The following SMIM17 variants were observed in gnomAD, a reference collection of about 807,000 sequenced individuals.
The protein encoded by SMIM17 is small integral membrane protein 17.
In SMIM17, 10 loss-of-function variants were observed where a neutral mutation model predicts 12.2. That is an observed-to-expected ratio of 0.82 (90% CI 0.50 to 1.39). The LOEUF is 1.39. SMIM17 is among the 40% of genes most tolerant of loss of function. SMIM17 has a pLI of 0.00. For missense variants in SMIM17, 136 were observed against 118.2 expected (o/e 1.15, Z -0.70); for synonymous variants, 50 against 44.1 (o/e 1.13, Z -0.53).
At chr19:56,650,733 A>G (rs10403522) in intron 3 of SMIM17, among the ~76,000 whole-genome samples, 88,430 of 152,044 alleles carry the variant, frequency 0.58, 25,959 homozygotes, top group East Asian at 0.73. Context: ...AGACCTGTGG[A>G]ACGTAAAAGG....
rs182620460 is a variant in SMIM17 at position 56,656,346 on chromosome 19, T to G, written c.*1133T>G. Among the ~76,000 whole-genome samples, 12 of 152,276 alleles carry G rather than the reference T, an allele frequency of 7.9e-5. No homozygotes were observed. The highest frequency in any genetic ancestry group is 3.4e-3 in the Middle Eastern group (1 of 294). On this transcript the variant is annotated 3_prime_UTR_variant, in exon 4 of 4. Transcript: ENST00000598409. ...TTTATAATTAAAAATTTCTCTTTATTTTGTTCTATCCCCTGTTTCCTGTAA... is the reference window on the plus strand; with the variant it reads ...TTTATAATTAAAAATTTCTCTTTATGTTGTTCTATCCCCTGTTTCCTGTAA...
At chr19:56,647,876 CT>C (rs2148039889) in intron 3 of SMIM17, among the ~76,000 whole-genome samples, 1 of 152,206 alleles carries the variant, frequency 6.6e-6, no homozygotes, top group Admixed American at 6.5e-5. Context: ...GCATCCACCT[CT>C]GTACTTCATC....
At position 56,657,069 on chromosome 19, in the gene SMIM17, AC is replaced by A. The variant is rs879566688; in HGVS notation, c.*1857del. On this transcript the variant is annotated 3_prime_UTR_variant, in exon 4 of 4. Coordinates refer to ENST00000598409, the MANE Select transcript of SMIM17 (RefSeq NM_001193628.2). Reference sequence around the variant, plus strand: ...TAAGGTTATGTGAAACTTTGTTAGTACAATTGTTTTTGCTAATAAATTTTTA... The same window carrying A: ...TAAGGTTATGTGAAACTTTGTTAGTAAATTGTTTTTGCTAATAAATTTTTA... Among the ~76,000 whole-genome samples the A allele has an allele frequency of 2.5e-3, 388 of 152,354 alleles. 1 individual carries two copies. The highest frequency in any genetic ancestry group is 9.0e-3 in the African/African-American group (374 of 41,586).
rs1401708491 is a variant in SMIM17, at chr19:56,645,610, C to T, written c.-58C>T. The T allele has an allele frequency of 7.1e-7, 1 of 1,409,580 alleles. No individual in the cohort carries two copies. The highest frequency in any genetic ancestry group is 1.5e-5 in the African/African-American group (1 of 68,666). 87.3% of individuals were successfully genotyped at this position (1,409,580 alleles called of 1,614,324 possible). On this transcript the variant is annotated 5_prime_UTR_variant, in exon 2 of 4. Transcript: ENST00000598409. The stretch of plus-strand genomic sequence containing the variant: ...TTGTGCCTGGAGAACCAGAGAGGAC[C>T]CTGGAGCAGGAGGAGAAAGAGAAGC...
rs759429281 is a variant in SMIM17, at chr19:56,647,592, G to A, written c.204G>A (p.Glu68=). ...LSSQETGLSQ[E]WSSVEEDDES... ...CTCAAGAGACTGGGCTTTCCCAGGA[G>A]TGGAGCTCGGTGGAGGAAGATGACG... The change falls in exon 3 of 4, where the codon GAG becomes GAA. Residue 68 remains glutamate (E), a synonymous_variant. Transcript: ENST00000598409. The A allele has an allele frequency of 2.0e-6, 3 of 1,535,904 alleles. No homozygotes were observed. Among genetic ancestry groups the A allele is most frequent in the South Asian group, 1.2e-5 (1 of 84,058 alleles).
At chr19:56,647,420 TGAGAGAGAGAGAGAGAGA>T (rs72370552) in intron 2 of SMIM17, 120 bp from the exon 3 acceptor site, 4 of 546,814 alleles carry the variant, frequency 7.3e-6, no homozygotes, top group South Asian at 4.3e-5. Flanking sequence ...AGAAGGAGGG[TGAGAGAGAGAGAGAGAGA>T]GAGAGAGAGA....
chr19:56,646,203 A>G (rs1009033765), intron 2 of SMIM17, among the ~76,000 whole-genome samples: 3 of 152,050 alleles, frequency 2.0e-5, no homozygotes, highest in African/African-American at 7.2e-5. Context: ...AGGACAGGCC[A>G]TGTGTCTCCA....
intron 2 of SMIM17, 147 bp downstream of exon 2, chr19:56,645,983 A>C (rs754856193): frequency 2.2e-6 from 2 of 918,164 alleles, no homozygotes; most frequent in Non-Finnish European, 3.1e-6. Flanking sequence ...GCTGTGTAAC[A>C]AGTCATCCCC....
chr19:56,645,703 G>T lies in SMIM17; in HGVS notation c.36G>T (p.Leu12=). 2 of 1,535,138 alleles carry T rather than the reference G, an allele frequency of 1.3e-6. No individual in the cohort carries two copies. The highest frequency in any genetic ancestry group is 1.4e-5 in the African/African-American group (1 of 73,146). Residue 12 remains leucine, a synonymous_variant, in exon 2 of 4, where the codon CTG becomes CTT. Coordinates refer to ENST00000598409, the MANE Select transcript of SMIM17 (RefSeq NM_001193628.2). ...TCAGGCCTGAGCAGACACGGGGGCT[G>T]CTGGAGCCTGAGAGGACCAAGACTC... ...QSLRPEQTRG[L]LEPERTKTLL...
intron 3 of SMIM17, among the ~76,000 whole-genome samples, chr19:56,650,554 G>C (rs1337171513): frequency 6.6e-6 from 1 of 152,178 alleles, no homozygotes; most frequent in Non-Finnish European, 1.5e-5. Flanking sequence ...CATGAGCCTT[G>C]TGAGATTGTT....
intron 3 of SMIM17, among the ~76,000 whole-genome samples, chr19:56,652,672 AG>A (rs1164996215): frequency 1.6e-4 from 18 of 114,958 alleles, no homozygotes; most frequent in South Asian, 7.8e-4. Context: ...GAAAAAAAAA[AG>A]AGAGAGAGAG....
At chr19:56,648,397 C>CCATG (rs2045083977) in intron 3 of SMIM17, among the ~76,000 whole-genome samples, 1 of 152,058 alleles carries the variant, frequency 6.6e-6, no homozygotes, top group African/African-American at 2.4e-5. Flanking sequence ...ATCCATCCAT[C>CCATG]CATCCATCCA....
chr19:56,645,529 C>T, intron 1 of SMIM17, 39 bp from the exon 2 acceptor site: 2 of 774,390 alleles, frequency 2.6e-6, no homozygotes, highest in East Asian at 6.1e-5. Context: ...CCCTGCTGGC[C>T]CTCTGTAATG....
rs2045056460 is a variant in SMIM17, at chr19:56,645,605, A to C, written c.-63A>C. On this transcript the variant is annotated 5_prime_UTR_variant, in exon 2 of 4. Coordinates refer to ENST00000598409, the MANE Select transcript of SMIM17 (RefSeq NM_001193628.2). ...GAATCTTGTGCCTGGAGAACCAGAG[A>C]GGACCCTGGAGCAGGAGGAGAAAGA... The C allele has an allele frequency of 7.2e-7, 1 of 1,391,434 alleles. No individual in the cohort carries two copies. The highest frequency in any genetic ancestry group is 1.5e-5 in the African/African-American group (1 of 68,218). 86.2% of individuals were successfully genotyped at this position (1,391,434 alleles called of 1,614,324 possible). A position where few individuals can be genotyped will look rare whatever the true frequency, so the allele number is the denominator to read the frequency against.
chr19:56,644,760 G>C (rs898619106), intron 1 of SMIM17, among the ~76,000 whole-genome samples: 1 of 151,898 alleles, frequency 6.6e-6, no homozygotes, highest in Non-Finnish European at 1.5e-5. Context: ...GACAGTAAAA[G>C]AGTCCTCTTG....
In SMIM17 at chr19:56,656,894, A is replaced by G. The variant is rs1367577012; in HGVS notation, c.*1681A>G. On this transcript the variant is annotated 3_prime_UTR_variant, in exon 4 of 4. Transcript: ENST00000598409. ...GCCTAGAACATGTCCATTTTTTGTA[A>G]TTGTTTCACGAACATTTAAGATGAA... Among the ~76,000 whole-genome samples the G allele has an allele frequency of 6.6e-6, 1 of 152,170 alleles. No individual in the cohort carries two copies. The highest frequency in any genetic ancestry group is 1.5e-5 in the Non-Finnish European group (1 of 68,014).
intron 3 of SMIM17, among the ~76,000 whole-genome samples, chr19:56,651,200 C>T (rs1200371540): frequency 6.6e-6 from 1 of 152,188 alleles, no homozygotes; most frequent in Non-Finnish European, 1.5e-5. Context: ...GATGTAGGAC[C>T]TGTTATCCCA....
chr19:56,644,125 C>T (rs1282139573), intron 1 of SMIM17, among the ~76,000 whole-genome samples: 2 of 152,072 alleles, frequency 1.3e-5, no homozygotes, highest in Non-Finnish European at 2.9e-5. Context: ...CATCTGTCAC[C>T]CCGCTTGCCT....
At chr19:56,643,548 C>T (rs1342578224) in intron 1 of SMIM17, among the ~76,000 whole-genome samples, 1 of 152,124 alleles carries the variant, frequency 6.6e-6, no homozygotes, top group Non-Finnish European at 1.5e-5. Flanking sequence ...CGGGCACGTG[C>T]GCTCGTCTCG....
Sources: allele counts gnomAD v4.1 joint callset (sites outside exome capture counted in the v4.1 genomes callset), GRCh38; gene constraint gnomAD v4.1.1; transcripts MANE v1.5; gene names NCBI Gene and HGNC (gene_info 2026-07-23, HGNC 2026-07-21).